The following PIGZ variants were observed in gnomAD, a reference collection of about 807,000 sequenced individuals.
PIGZ encodes the protein GPI alpha-1,2-mannosyltransferase 4.
A neutral mutation model predicts 16.4 loss-of-function variants in PIGZ; 16 were observed. The observed-to-expected ratio is 0.97, with a 90% CI of 0.66 to 1.48. The LOEUF is 1.48. Among genes scored for constraint, PIGZ ranks in the 40% most tolerant of loss-of-function variants. The pLI, the probability that PIGZ is intolerant of heterozygous loss-of-function variation, is 0.00. For synonymous variants in PIGZ, 409 were observed against 338.4 expected (o/e 1.21, Z -2.29); for missense variants, 770 against 739.2 (o/e 1.04, Z -0.48).
chr3:196,954,154 G>A (rs766423630), intron 1 of PIGZ, among the ~76,000 whole-genome samples: 142 of 152,222 alleles, frequency 9.3e-4, no homozygotes, highest in South Asian at 8.3e-4. Context: ...GTGTGGTGGT[G>A]TGCACCTGTA....
chr3:196,949,034 CCT>C (rs1717146041), intron 2 of PIGZ, among the ~76,000 whole-genome samples: 1 of 57,040 alleles, frequency 1.8e-5, no homozygotes, highest in Non-Finnish European at 3.2e-5. Context: ...CCCTTCCTTC[CCT>C]TCCTTCCTTC....
rs916397078 is a variant in PIGZ, at chr3:196,962,656, TTACTGCACGGCAATACTGA to T, written c.-1+6012_-1+6030del. Among the ~76,000 whole-genome samples the T allele has an allele frequency of 1.6e-4, 19 of 117,362 alleles. No homozygotes were observed. The South Asian group carries it at 1.8e-3, about 11-fold the overall frequency. The allele number at this position is 117,362 out of a possible 152,430, so 77.0% of individuals were successfully genotyped here. A position where few individuals can be genotyped will look rare whatever the true frequency, so the allele number is the denominator to read the frequency against. Reference sequence around the variant, plus strand: ...GACATGCTGGTGGCAATACTGATCTTTACTGCACGGCAATACTGATCTTTACTGCACTGAGATGTTTATG... The same window carrying T: ...GACATGCTGGTGGCAATACTGATCTTTCTTTACTGCACTGAGATGTTTATG... On this transcript the variant is annotated intron_variant, in intron 1 of 2. Coordinates refer to ENST00000412723, the MANE Select transcript of PIGZ (RefSeq NM_025163.4).
In PIGZ at chr3:196,948,607, AG is replaced by A; in HGVS notation, c.289del (p.Leu97CysfsTer2). ...SSSCRSVLFPLLISGSTFWLL... is the reference protein window; with the variant it reads ...SSSCRSVLFPXLISGSTFWLL... Reference sequence around the variant, plus strand: ...CCAGAAGGTGGAACCAGAGATCAGCAGGGGGAAGAGCACCGAGCGGCAGGAG... The same window carrying A: ...CCAGAAGGTGGAACCAGAGATCAGCAGGGGAAGAGCACCGAGCGGCAGGAG... On this transcript the variant is annotated frameshift_variant, in exon 3 of 3. Transcript: ENST00000412723. LOFTEE classifies it low-confidence loss of function (END_TRUNC). 1.9e-6 allele frequency: 3 copies of A among 1,556,170 alleles called. No homozygotes were observed. The highest frequency in any genetic ancestry group is 8.7e-7 in the Non-Finnish European group (1 of 1,154,114).
chr3:196,955,639 T>G (rs1717455158), intron 1 of PIGZ, among the ~76,000 whole-genome samples: 1 of 149,802 alleles, frequency 6.7e-6, no homozygotes, highest in South Asian at 2.1e-4. Flanking sequence ...TGCAGTGGCA[T>G]GATCTTGGCT....
intron 1 of PIGZ, among the ~76,000 whole-genome samples, chr3:196,967,812 A>G (rs1372331807): frequency 6.6e-6 from 1 of 152,172 alleles, no homozygotes; most frequent in Non-Finnish European, 1.5e-5. Context: ...AAACACACAT[A>G]GAGAGTGAAA....
At chr3:196,962,352 T>C (rs1157247146) in intron 1 of PIGZ, among the ~76,000 whole-genome samples, 1 of 152,186 alleles carries the variant, frequency 6.6e-6, no homozygotes, top group Non-Finnish European at 1.5e-5. Flanking sequence ...CATGGGGACC[T>C]CTGCCCAAGA....
At chr3:196,966,975 C>T (rs972310094) in intron 1 of PIGZ, among the ~76,000 whole-genome samples, 1 of 151,882 alleles carries the variant, frequency 6.6e-6, no homozygotes, top group African/African-American at 2.4e-5. Flanking sequence ...GACTGGGGGG[C>T]AGGGGAGCAG....
intron 2 of PIGZ, among the ~76,000 whole-genome samples, chr3:196,948,944 T>TTTCCTTTACTTCCCTTCCTTCCCTTCCCC (rs1717114156): frequency 9.9e-5 from 1 of 10,074 alleles, no homozygotes. Flanking sequence ...CTTCCCTTCC[T>TTTCCTTTACTTCCCTTCCTTCCCTTCCCC]TCCCCTCCCC....
intron 1 of PIGZ, among the ~76,000 whole-genome samples, chr3:196,953,304 C>T (rs2108905963): frequency 6.6e-6 from 1 of 152,304 alleles, no homozygotes; most frequent in South Asian, 2.1e-4. Context: ...TATCCACAGG[C>T]CAGTATGGCA....
At chr3:196,948,785 C>T (rs1245599593) in intron 2 of PIGZ, 100 bp from the exon 3 acceptor site, 2 of 861,872 alleles carry the variant, frequency 2.3e-6, no homozygotes, top group East Asian at 2.7e-5. Context: ...GGTGTGTGTG[C>T]CCTGCGTAAT....
intron 1 of PIGZ, among the ~76,000 whole-genome samples, chr3:196,964,513 A>G (rs1717851956): frequency 6.6e-6 from 1 of 151,780 alleles, no homozygotes; most frequent in South Asian, 2.1e-4. Context: ...ACGCATCACC[A>G]CGCCTGGCTA....
chr3:196,957,367 TA>T (rs1346345162), intron 1 of PIGZ, among the ~76,000 whole-genome samples: 8 of 145,738 alleles, frequency 5.5e-5, no homozygotes, highest in African/African-American at 2.0e-4. Context: ...AGGGATGGAA[TA>T]ATTTTTTTCT....
At position 196,963,598 on chromosome 3, in the gene PIGZ, G is replaced by A. The variant is rs556096506; in HGVS notation, c.-1+5089C>T. 7.2e-5 allele frequency among the ~76,000 whole-genome samples: 11 copies of A among 152,300 alleles called. No homozygotes were observed. In the South Asian group the frequency reaches 2.3e-3, roughly 32 times the overall value. On this transcript the variant is annotated intron_variant, in intron 1 of 2. Coordinates refer to ENST00000412723, the MANE Select transcript of PIGZ (RefSeq NM_025163.4). ...CTATCAAGTGCTGTTGAACAGAACT[G>A]CATCAAATACACCTTCCCAAACCAG... is the stretch of plus-strand genomic sequence containing the variant.
At chr3:196,952,115 A>ATT in intron 1 of PIGZ, 84 bp from the exon 2 acceptor site, 1 of 1,270,274 alleles carries the variant, frequency 7.9e-7, no homozygotes, top group Non-Finnish European at 1.1e-6. Context: ...TGGATCTGTC[A>ATT]TTTAATAAAA....
At chr3:196,956,227 T>C (rs1717477892) in intron 1 of PIGZ, among the ~76,000 whole-genome samples, 1 of 152,170 alleles carries the variant, frequency 6.6e-6, no homozygotes, top group Admixed American at 6.5e-5. Context: ...GACTATATGC[T>C]GCTGATAAAG....
chr3:196,960,094 CTG>C (rs1577895817), intron 1 of PIGZ, among the ~76,000 whole-genome samples: 1 of 152,340 alleles, frequency 6.6e-6, no homozygotes, highest in East Asian at 1.9e-4. Flanking sequence ...GGCCACAGTA[CTG>C]TGTTACAAAA....
chr3:196,960,443 G>A (rs1002329956), intron 1 of PIGZ, among the ~76,000 whole-genome samples: 32 of 152,156 alleles, frequency 2.1e-4, no homozygotes, highest in African/African-American at 6.7e-4. Context: ...AGGCCGAGGC[G>A]GGTGGATCAC....
At chr3:196,949,698 GGAGCTCA>G (rs1398969223) in intron 2 of PIGZ, among the ~76,000 whole-genome samples, 2 of 152,182 alleles carry the variant, frequency 1.3e-5, no homozygotes, top group Non-Finnish European at 1.5e-5. Flanking sequence ...CAAGTGCAGG[GGAGCTCA>G]GAGTGCAGAG....
chr3:196,954,063 G>T lies in PIGZ; in HGVS notation c.1-2032C>A, dbSNP rs550696144. Among the ~76,000 whole-genome samples, 4 of 151,866 alleles carry T rather than the reference G, an allele frequency of 2.6e-5. No individual in the cohort carries two copies. The East Asian group carries it at 7.7e-4, about 29-fold the overall frequency. On this transcript the variant is annotated intron_variant, in intron 1 of 2. Coordinates refer to ENST00000412723, the MANE Select transcript of PIGZ (RefSeq NM_025163.4). ...TTTGGGAGGCTGAGGCAGGCAGATT[G>T]CTTTAAGTCAGGAGTTTGAGACCAG...
Sources: allele counts gnomAD v4.1 joint callset (sites outside exome capture counted in the v4.1 genomes callset), GRCh38; gene constraint gnomAD v4.1.1; transcripts MANE v1.5; gene names NCBI Gene and HGNC (gene_info 2026-07-23, HGNC 2026-07-21).